The following MACROD2 variants were observed in gnomAD, a reference collection of about 807,000 sequenced individuals.
MACROD2 encodes ADP-ribose glycohydrolase MACROD2.
Under a neutral mutation model 70.4 loss-of-function variants are expected in MACROD2, and 36 were observed. The ratio of observed to expected loss-of-function variants is 0.51; its 90% CI spans 0.39 to 0.68. The LOEUF is 0.68. Among genes scored for constraint, MACROD2 ranks in the 30% least tolerant of loss-of-function variants. The probability of loss-of-function intolerance (pLI) is 0.00; values close to 1 mark genes in which losing one functional copy is unlikely to be tolerated. For missense variants in MACROD2, 496 were observed against 538.4 expected (o/e 0.92, Z 0.78); for synonymous variants, 172 against 178.8 (o/e 0.96, Z 0.30).
At position 14,574,715 on chromosome 20, in the gene MACROD2, T is replaced by C. The variant is rs574694126; in HGVS notation, c.301+81207T>C. Among the ~76,000 whole-genome samples the C allele has an allele frequency of 1.1e-4, 16 of 151,302 alleles. 1 individual carries two copies. In the South Asian group the frequency reaches 3.3e-3, roughly 31 times the overall value. On this transcript the variant is annotated intron_variant, in intron 4 of 17. Coordinates refer to ENST00000684519, the MANE Select transcript of MACROD2 (RefSeq NM_001351661.2). ...ACATACAAAATATAATATATCACAT[T>C]TTATAAATATTCACGGCCGGGCGCG...
At chr20:14,984,486 T>C (rs1378264521) in intron 5 of MACROD2, among the ~76,000 whole-genome samples, 1 of 152,216 alleles carries the variant, frequency 6.6e-6, no homozygotes, top group Non-Finnish European at 1.5e-5. Context: ...TCTTTTTTCC[T>C]TTCCTTTTAT....
At chr20:15,756,802 G>A (rs1344345909) in intron 8 of MACROD2, among the ~76,000 whole-genome samples, 1 of 152,164 alleles carries the variant, frequency 6.6e-6, no homozygotes, top group African/African-American at 2.4e-5. Flanking sequence ...TAAGGTGAGT[G>A]CATTAAAAAC....
At chr20:15,041,312 CCTG>C (rs1314363494) in intron 5 of MACROD2, among the ~76,000 whole-genome samples, 2 of 152,164 alleles carry the variant, frequency 1.3e-5, no homozygotes, top group Non-Finnish European at 2.9e-5. Flanking sequence ...AATATTAACA[CCTG>C]CTCAATATTG....
At chr20:14,248,411 CTGT>C (rs2122260370) in intron 3 of MACROD2, among the ~76,000 whole-genome samples, 1 of 152,230 alleles carries the variant, frequency 6.6e-6, no homozygotes, top group African/African-American at 2.4e-5. Context: ...TAGTGAAACG[CTGT>C]CTCTACTAAA....
At position 14,230,654 on chromosome 20, in the gene MACROD2, T is replaced by A. The variant is rs547133810; in HGVS notation, c.271+144926T>A. ...GTTTATATATATATATATATATATA[T>A]AACACAGGCTGGGCCTATATATATA... On this transcript the variant is annotated intron_variant, in intron 3 of 17. Coordinates refer to ENST00000684519, the MANE Select transcript of MACROD2 (RefSeq NM_001351661.2). Among the ~76,000 whole-genome samples, 320 of 74,234 alleles carry A rather than the reference T, an allele frequency of 4.3e-3. 43 individuals are homozygous for A. Among genetic ancestry groups the A allele is most frequent in the East Asian group, 0.035 (60 of 1,726 alleles). The allele number at this position is 74,234 out of a possible 152,430, so 48.7% of individuals were successfully genotyped here. A position where few individuals can be genotyped will look rare whatever the true frequency, so the allele number is the denominator to read the frequency against.
Position 16,050,199 on chromosome 20 carries a change from C to A in MACROD2, c.*323C>A, listed in dbSNP as rs544546355. The A allele has an allele frequency of 6.1e-5, 13 of 212,920 alleles. No individual in the cohort carries two copies. Among genetic ancestry groups the A allele is most frequent in the East Asian group, 3.5e-4 (3 of 8,616 alleles). 13.2% of individuals were successfully genotyped at this position (212,920 alleles called of 1,614,324 possible). A position where few individuals can be genotyped will look rare whatever the true frequency, so the allele number is the denominator to read the frequency against. On this transcript the variant is annotated 3_prime_UTR_variant, in exon 18 of 18. Transcript: ENST00000684519. ...CTTGATTGAACACTCACATGTGTAT[C>A]CTGGCCCCTGTCTGCTTTCTTGGTT...
At chr20:14,420,765 T>A (rs2083867509) in intron 3 of MACROD2, among the ~76,000 whole-genome samples, 1 of 152,176 alleles carries the variant, frequency 6.6e-6, no homozygotes, top group African/African-American at 2.4e-5. Flanking sequence ...TGATCACAGC[T>A]CACTGAAGCC....
chr20:14,236,076 C>T (rs1414778434), intron 3 of MACROD2, among the ~76,000 whole-genome samples: 1 of 152,024 alleles, frequency 6.6e-6, no homozygotes, highest in African/African-American at 2.4e-5. Flanking sequence ...CTAAAAACCC[C>T]TCCATACACA....
chr20:14,951,915 ATT>A (rs11468856), intron 5 of MACROD2, among the ~76,000 whole-genome samples: 22,600 of 133,514 alleles, frequency 0.17, 2,178 homozygotes, highest in East Asian at 0.34. Context: ...CAGCTTCTCC[ATT>A]TTTTTTTTTT....
intron 3 of MACROD2, among the ~76,000 whole-genome samples, chr20:14,363,573 C>T (rs1342301986): frequency 6.6e-6 from 1 of 151,736 alleles, no homozygotes; most frequent in Non-Finnish European, 1.5e-5. Flanking sequence ...GTAATCCCAG[C>T]ACTTTGGGAG....
intron 6 of MACROD2, among the ~76,000 whole-genome samples, chr20:15,387,738 ATTTTT>A (rs11304564): frequency 7.7e-6 from 1 of 130,338 alleles, no homozygotes; most frequent in African/African-American, 2.8e-5. Flanking sequence ...AAACTCAGGG[ATTTTT>A]TTTTTTTTTT....
chr20:15,376,927 G>A (rs1158741800), intron 6 of MACROD2, among the ~76,000 whole-genome samples: 1 of 152,072 alleles, frequency 6.6e-6, no homozygotes, highest in African/African-American at 2.4e-5. Flanking sequence ...GTCTCACTCT[G>A]TCGCCCAGGC....
At chr20:14,556,854 T>C (rs1331029506) in intron 4 of MACROD2, among the ~76,000 whole-genome samples, 2 of 152,006 alleles carry the variant, frequency 1.3e-5, no homozygotes, top group African/African-American at 4.8e-5. Context: ...AGTATGTTAA[T>C]AAACCCAATT....
intron 6 of MACROD2, among the ~76,000 whole-genome samples, chr20:15,294,157 A>T (rs893886398): frequency 1.3e-5 from 2 of 151,218 alleles, no homozygotes; most frequent in African/African-American, 2.4e-5. Context: ...GAGTTTTTAT[A>T]TAAACTCTAG....
chr20:15,884,631 A>C (rs2064799418), intron 9 of MACROD2, among the ~76,000 whole-genome samples: 1 of 152,064 alleles, frequency 6.6e-6, no homozygotes, highest in Non-Finnish European at 1.5e-5. Context: ...AAACTGCTAA[A>C]ATAGCTAAGG....
rs1160051629 is a variant in MACROD2 at position 14,876,411 on chromosome 20, G to C, written c.418+191452G>C. Among the ~76,000 whole-genome samples the C allele has an allele frequency of 2.0e-5, 3 of 152,050 alleles. 1 individual carries two copies. Among genetic ancestry groups the C allele is most frequent in the Admixed American group, 2.0e-4 (3 of 15,260 alleles). ...CTTTGTGAATATTTTCTCCCATTCTGTAGGTTGTCTGTTTACTCTGTTGAT... is the reference window on the plus strand; with the variant it reads ...CTTTGTGAATATTTTCTCCCATTCTCTAGGTTGTCTGTTTACTCTGTTGAT... On this transcript the variant is annotated intron_variant, in intron 5 of 17. Coordinates refer to ENST00000684519, the MANE Select transcript of MACROD2 (RefSeq NM_001351661.2).
intron 3 of MACROD2, among the ~76,000 whole-genome samples, chr20:14,375,272 T>C (rs2083361081): frequency 6.6e-6 from 1 of 152,108 alleles, no homozygotes; most frequent in Admixed American, 6.5e-5. Flanking sequence ...ATAAAATATA[T>C]TTAAGCAAAA....
At chr20:14,663,968 T>A (rs1455814967) in intron 4 of MACROD2, among the ~76,000 whole-genome samples, 2 of 152,136 alleles carry the variant, frequency 1.3e-5, no homozygotes, top group African/African-American at 2.4e-5. Context: ...ACTTTACTTT[T>A]TATGACTCTT....
At chr20:15,049,962 A>AT (rs1236922180) in intron 5 of MACROD2, among the ~76,000 whole-genome samples, 4 of 152,072 alleles carry the variant, frequency 2.6e-5, no homozygotes, top group Admixed American at 1.3e-4. Context: ...AAAAAAAAAA[A>AT]AAAAGAATAT....
Sources: gnomAD v4.1 joint callset for allele counts (sites outside exome capture counted in the v4.1 genomes callset) on GRCh38, gnomAD v4.1.1 for gene constraint, MANE v1.5 for transcripts, NCBI Gene and HGNC (gene_info 2026-07-23, HGNC 2026-07-21) for gene names.